The following TANC2 variants were observed in gnomAD, a reference collection of about 807,000 sequenced individuals.
TANC2 encodes the protein protein TANC2.
A neutral mutation model predicts 210.5 loss-of-function variants in TANC2; 26 were observed. The observed-to-expected ratio is 0.12, with a 90% CI of 0.09 to 0.17. The LOEUF (loss-of-function observed/expected upper bound fraction) is 0.17, where lower values mean the gene tolerates loss of function less well. Among genes scored for constraint, TANC2 ranks in the 10% least tolerant of loss-of-function variants. The pLI, the probability that TANC2 is intolerant of heterozygous loss-of-function variation, is 1.00. For synonymous variants in TANC2, 931 were observed against 967.1 expected, an observed-to-expected ratio of 0.96 and a Z score of 0.69; for missense variants, 2,129 against 2,608.9, an observed-to-expected ratio of 0.82 and a Z score of 4.01.
chr17:63,425,815 T>C (rs1302663644), exon 28 of TANC2: 1 of 152,264 alleles, frequency 6.6e-6, no homozygotes, highest in Admixed American at 6.5e-5. Context: ...CAGAGCTCCC[T>C]TGCTCTGGTA....
intron 1 of TANC2, among the ~76,000 whole-genome samples, chr17:63,003,188 A>G (rs1387417570): frequency 6.6e-6 from 1 of 152,188 alleles, no homozygotes; most frequent in African/African-American, 2.4e-5. Flanking sequence ...GCTAATTATA[A>G]TTTGTATTTC....
At chr17:63,364,427 A>G (rs1365795853) in intron 14 of TANC2, among the ~76,000 whole-genome samples, 2 of 152,210 alleles carry the variant, frequency 1.3e-5, no homozygotes, top group Non-Finnish European at 2.9e-5. Flanking sequence ...AAACCCAGTT[A>G]AAACTGAGAA....
Position 63,032,696 on chromosome 17 carries a change from A to G in TANC2, c.67+23070A>G, listed in dbSNP as rs1343057626. ...GAGCTACTGGAGATACAGCAGTGCT[A>G]TATATCAGATCACTAAAAGAACAAC... is the stretch of plus-strand genomic sequence containing the variant. On this transcript the variant is annotated intron_variant, in intron 2 of 27. Coordinates refer to ENST00000689528, the Ensembl canonical transcript of TANC2. 3.3e-5 allele frequency among the ~76,000 whole-genome samples: 5 copies of G among 152,174 alleles called. No homozygotes were observed. In the South Asian group the frequency reaches 8.3e-4, roughly 25 times the overall value.
intron 5 of TANC2, among the ~76,000 whole-genome samples, chr17:63,172,936 T>G (rs780568038): frequency 6.6e-6 from 1 of 152,112 alleles, no homozygotes; most frequent in Non-Finnish European, 1.5e-5. Flanking sequence ...GTTTTTGATT[T>G]TTCATTGTTT....
intron 9 of TANC2, among the ~76,000 whole-genome samples, chr17:63,285,704 A>G (rs2044199466): frequency 1.3e-5 from 2 of 152,186 alleles, no homozygotes; most frequent in Admixed American, 1.3e-4. Flanking sequence ...TCCTCCAGCA[A>G]TTAGTTGTGA....
At chr17:63,071,617 A>G (rs1015082333) in intron 2 of TANC2, among the ~76,000 whole-genome samples, 2 of 152,180 alleles carry the variant, frequency 1.3e-5, no homozygotes, top group African/African-American at 2.4e-5. Flanking sequence ...TAGTAGAATG[A>G]ATAGACAGAG....
intron 9 of TANC2, among the ~76,000 whole-genome samples, chr17:63,281,688 C>T (rs2044063690): frequency 6.6e-6 from 1 of 151,958 alleles, no homozygotes; most frequent in African/African-American, 2.4e-5. Context: ...AATCTAAGAA[C>T]GTGACCTTTT....
At chr17:63,291,179 C>T (rs1239432667) in intron 9 of TANC2, among the ~76,000 whole-genome samples, 1 of 152,178 alleles carries the variant, frequency 6.6e-6, no homozygotes, top group Non-Finnish European at 1.5e-5. Context: ...TTTTTCTTCC[C>T]TCTCGTTATT....
rs538858916 is a variant in TANC2 at position 63,127,722 on chromosome 17, C to G, written c.323-23548C>G. 4.7e-4 allele frequency among the ~76,000 whole-genome samples: 72 copies of G among 152,298 alleles called. 1 individual carries two copies. The highest frequency in any genetic ancestry group is 8.1e-4 in the Non-Finnish European group (55 of 68,026). On this transcript the variant is annotated intron_variant, in intron 4 of 27. Coordinates refer to ENST00000689528, the Ensembl canonical transcript of TANC2. ...CTAAATATTGACAATTAGTGCCTTA[C>G]AAGCATGGTGGCATATGAAAATGTT...
intron 1 of TANC2, among the ~76,000 whole-genome samples, chr17:62,992,968 T>A (rs767215898): frequency 1.3e-5 from 2 of 152,162 alleles, no homozygotes; most frequent in Non-Finnish European, 2.9e-5. Flanking sequence ...TGGGAGAGAA[T>A]CTGTTTTTTA....
At chr17:63,274,402 C>G (rs970345394) in intron 9 of TANC2, among the ~76,000 whole-genome samples, 1 of 152,126 alleles carries the variant, frequency 6.6e-6, no homozygotes, top group African/African-American at 2.4e-5. Context: ...AGATTGTGTA[C>G]TAGTACAGAG....
chr17:62,983,447 G>A (rs1450356970), intron 1 of TANC2, among the ~76,000 whole-genome samples: 1 of 151,890 alleles, frequency 6.6e-6, no homozygotes, highest in Non-Finnish European at 1.5e-5. Flanking sequence ...TTTGTAATTT[G>A]GATGCCTTTT....
chr17:63,005,168 G>A (rs1187287634), intron 1 of TANC2: 1 of 151,984 alleles, frequency 6.6e-6, no homozygotes, highest in Non-Finnish European at 1.5e-5. Context: ...TTTAAAAAAT[G>A]CATTATCTCT....
intron 11 of TANC2, among the ~76,000 whole-genome samples, chr17:63,327,603 T>C (rs1463978506): frequency 1.3e-5 from 2 of 152,218 alleles, no homozygotes; most frequent in Admixed American, 6.5e-5. Context: ...TAAATTGTTC[T>C]ATATATAAAT....
chr17:62,986,390 T>G (rs1419512619), intron 1 of TANC2, among the ~76,000 whole-genome samples: 2 of 152,194 alleles, frequency 1.3e-5, no homozygotes, highest in Non-Finnish European at 2.9e-5. Flanking sequence ...ATGCCCAGGA[T>G]GCAAGCACAC....
chr17:63,009,480 C>G (rs1338127715), intron 1 of TANC2, 57 bp from the exon 2 acceptor site: 1 of 1,229,606 alleles, frequency 8.1e-7, no homozygotes, highest in African/African-American at 1.5e-5. Context: ...TAGTCACCCT[C>G]TTATGCTATG....
intron 8 of TANC2, among the ~76,000 whole-genome samples, chr17:63,264,903 G>A (rs1209451324): frequency 6.6e-6 from 1 of 152,116 alleles, no homozygotes; most frequent in Non-Finnish European, 1.5e-5. Context: ...AGGCTGCAGT[G>A]AGCCATGACT....
At chr17:63,225,168 A>T (rs750436522) in intron 7 of TANC2, among the ~76,000 whole-genome samples, 1 of 152,112 alleles carries the variant, frequency 6.6e-6, no homozygotes, top group Non-Finnish European at 1.5e-5. Flanking sequence ...CACCCAAGGT[A>T]TTATCTAGAT....
Position 63,022,114 on chromosome 17 carries a change from G to A in TANC2, c.67+12488G>A, listed in dbSNP as rs9892168. 8.8e-3 allele frequency among the ~76,000 whole-genome samples: 1,341 copies of A among 152,172 alleles called. 19 individuals carry two copies. Among genetic ancestry groups the A allele is most frequent in the African/African-American group, 0.031 (1,279 of 41,514 alleles). Reference sequence around the variant, plus strand: ...CCAGCACTTTGGGAGTCTGAGGCAGGCAGATCACGAGGTCAGGAGTTCAAG... The same window carrying A: ...CCAGCACTTTGGGAGTCTGAGGCAGACAGATCACGAGGTCAGGAGTTCAAG... On this transcript the variant is annotated intron_variant, in intron 2 of 27. Transcript: ENST00000689528.
Sources: allele counts gnomAD v4.1 joint callset (sites outside exome capture counted in the v4.1 genomes callset), GRCh38; gene constraint gnomAD v4.1.1; transcripts MANE v1.5; gene names NCBI Gene and HGNC (gene_info 2026-07-23, HGNC 2026-07-21).